ONECUT3: variants seen among roughly 807,000 people sequenced by gnomAD.
The protein encoded by ONECUT3 is one cut domain family member 3.
ONECUT3 carries 11 observed loss-of-function variants against 16.8 expected under a neutral mutation model. The ratio of observed to expected loss-of-function variants is 0.66; its 90% CI spans 0.41 to 1.09. ONECUT3 has a LOEUF of 1.09. Ranked by LOEUF, ONECUT3 falls within the 50% of genes least tolerant of loss-of-function variation. The pLI, the probability that ONECUT3 is intolerant of heterozygous loss-of-function variation, is 0.00. For synonymous variants in ONECUT3, 344 were observed against 310.7 expected, an observed-to-expected ratio of 1.11 and a Z score of -1.13; for missense variants, 637 against 629.9, an observed-to-expected ratio of 1.01 and a Z score of -0.12.
intron 1 of ONECUT3, among the ~76,000 whole-genome samples, chr19:1,772,768 A>G (rs2068067679): frequency 7.7e-6 from 1 of 129,842 alleles, no homozygotes; most frequent in African/African-American, 3.1e-5. Context: ...ATCTTGGCTC[A>G]CCACAACTTC....
chr19:1,753,906 G>A lies in ONECUT3; in HGVS notation c.244G>A (p.Gly82Arg). 2.0e-6 allele frequency: 2 copies of A among 982,902 alleles called. No individual in the cohort carries two copies. The highest frequency in any genetic ancestry group is 2.4e-6 in the Non-Finnish European group (2 of 829,804). The allele number at this position is 982,902 out of a possible 1,614,324, so 60.9% of individuals were successfully genotyped here. Residue 82 changes from glycine to arginine, a missense_variant, in exon 1 of 2, where the codon GGG becomes AGG. Transcript: ENST00000382349. The stretch of plus-strand genomic sequence containing the variant: ...CGCGGGCGGCGGCGCGGACTTCCGC[G>A]GGGAACTGGCGGGCCCGCTGCACCC... Reference protein sequence around the residue: ...GSAGGGADFRGELAGPLHPAM... With the variant: ...GSAGGGADFRRELAGPLHPAM...
At position 1,753,879 on chromosome 19, in the gene ONECUT3, AGCGCGGGCG is replaced by A; in HGVS notation, c.221_229del (p.Ala74_Gly76del). 1 of 975,346 alleles carries A rather than the reference AGCGCGGGCG, an allele frequency of 1.0e-6. No homozygotes were observed. The highest frequency in any genetic ancestry group is 1.2e-6 in the Non-Finnish European group (1 of 825,326). 60.4% of individuals were successfully genotyped at this position (975,346 alleles called of 1,614,324 possible). The stretch of plus-strand genomic sequence containing the variant: ...CGCCGGGGGCGCGGGCGGCGCGGGC[AGCGCGGGCG>A]GCGGCGCGGACTTCCGCGGGGAACT... On this transcript the variant is annotated inframe_deletion, in exon 1 of 2. Coordinates refer to ENST00000382349, the MANE Select transcript of ONECUT3 (RefSeq NM_001080488.2).
rs1215549900 is a variant in ONECUT3, at chr19:1,766,625, T to C, written c.1193-8528T>C. On this transcript the variant is annotated intron_variant, in intron 1 of 1. Transcript: ENST00000382349. This position sits in a 1 kb window ranked among gnomAD's most constrained non-coding sequence, Gnocchi z 4.0. The stretch of plus-strand genomic sequence containing the variant: ...GAGGAGGAGAGGGGATGGTCCCCTC[T>C]TGGAGGGTGATGGGGGTTGACAGGT... 6.6e-6 allele frequency among the ~76,000 whole-genome samples: 1 copy of C among 150,796 alleles called. No homozygotes were observed. The highest frequency in any genetic ancestry group is 2.4e-5 in the African/African-American group (1 of 40,978).
intron 1 of ONECUT3, among the ~76,000 whole-genome samples, chr19:1,768,903 T>A (rs1026177768): frequency 5.3e-5 from 5 of 94,048 alleles, no homozygotes; most frequent in South Asian, 4.1e-4. Context: ...GAGGTGGAGG[T>A]GGTGGAGGTG....
At chr19:1,767,820 C>A (rs1453399665) in intron 1 of ONECUT3, among the ~76,000 whole-genome samples, 1 of 152,088 alleles carries the variant, frequency 6.6e-6, no homozygotes, top group African/African-American at 2.4e-5. Context: ...GCCACCATGA[C>A]TGCGTTTGCC....
At position 1,780,950 on chromosome 19, in the gene ONECUT3, C is replaced by A. The variant is rs1439755536; in HGVS notation, c.*5505C>A. 1 of 144,358 alleles carries A rather than the reference C, an allele frequency of 6.9e-6. No individual in the cohort carries two copies. Among genetic ancestry groups the A allele is most frequent in the Non-Finnish European group, 1.5e-5 (1 of 66,878 alleles). The allele number at this position is 144,358 out of a possible 1,614,324, so 8.9% of individuals were successfully genotyped here. On this transcript the variant is annotated 3_prime_UTR_variant, in exon 2 of 2. Transcript: ENST00000382349. The stretch of plus-strand genomic sequence containing the variant: ...GAGAGAAGCCCTTTTCCACCTTCAC[C>A]CTTGGGCGACAGGCTTAAAAGCTAA...
chr19:1,764,387 A>C lies in ONECUT3; in HGVS notation c.1192+9533A>C, dbSNP rs1392499663. Among the ~76,000 whole-genome samples, 6 of 152,196 alleles carry C rather than the reference A, an allele frequency of 3.9e-5. No homozygotes were observed. The highest frequency in any genetic ancestry group is 1.2e-4 in the African/African-American group (5 of 41,446). ...CTTTGAAGGCTCAGAACTAATTTGA[A>C]AATGCAGTCATTAAAATCCCATCAG... On this transcript the variant is annotated intron_variant, in intron 1 of 1. Coordinates refer to ENST00000382349, the MANE Select transcript of ONECUT3 (RefSeq NM_001080488.2). This position sits in a 1 kb window ranked among gnomAD's most constrained non-coding sequence, Gnocchi z 5.0.
chr19:1,766,140 G>A lies in ONECUT3; in HGVS notation c.1193-9013G>A, dbSNP rs2067986477. The stretch of plus-strand genomic sequence containing the variant: ...ACTTGGGTGGGGTTTGGATGTGCAA[G>A]GCTGCCGACCCCCATCGTGGTTGAG... On this transcript the variant is annotated intron_variant, in intron 1 of 1. Coordinates refer to ENST00000382349, the MANE Select transcript of ONECUT3 (RefSeq NM_001080488.2). This position sits in a 1 kb window ranked among gnomAD's most constrained non-coding sequence, Gnocchi z 4.0. Among the ~76,000 whole-genome samples, 1 of 152,270 alleles carries A rather than the reference G, an allele frequency of 6.6e-6. No homozygotes were observed. The highest frequency in any genetic ancestry group is 1.5e-5 in the Non-Finnish European group (1 of 68,052).
chr19:1,769,149 C>T (rs1256903459), intron 1 of ONECUT3, among the ~76,000 whole-genome samples: 3 of 80,228 alleles, frequency 3.7e-5, no homozygotes, highest in Non-Finnish European at 7.5e-5. Context: ...GAGGTCGTGG[C>T]GGTGGAGGTG....
rs2067953287 is a variant in ONECUT3, at chr19:1,762,773, G to A, written c.1192+7919G>A. The stretch of plus-strand genomic sequence containing the variant: ...ATCCCACCCCAGGGGAAACCGCGCC[G>A]CACCAGGCGCGAGTGTTCTTCTTCC... On this transcript the variant is annotated intron_variant, in intron 1 of 1. Transcript: ENST00000382349. This position sits in a 1 kb window ranked among gnomAD's most constrained non-coding sequence, Gnocchi z 4.4. Among the ~76,000 whole-genome samples, 2 of 132,442 alleles carry A rather than the reference G, an allele frequency of 1.5e-5. No homozygotes were observed. The highest frequency in any genetic ancestry group is 2.7e-4 in the South Asian group (1 of 3,716). 86.9% of individuals were successfully genotyped at this position (132,442 alleles called of 152,430 possible). A position where few individuals can be genotyped will look rare whatever the true frequency, so the allele number is the denominator to read the frequency against.
In ONECUT3 at chr19:1,764,131, G is replaced by A. The variant is rs1051512367; in HGVS notation, c.1192+9277G>A. Among the ~76,000 whole-genome samples, 5 of 152,142 alleles carry A rather than the reference G, an allele frequency of 3.3e-5. No individual in the cohort carries two copies. Among genetic ancestry groups the A allele is most frequent in the South Asian group, 2.1e-4 (1 of 4,828 alleles). ...TTCCCACTGCAGGCGCTGTGTCTCC[G>A]TAACATTTTTTTTAAAAATCAACGC... On this transcript the variant is annotated intron_variant, in intron 1 of 1. Transcript: ENST00000382349. The surrounding 1 kb of genome is among the most constrained non-coding windows in gnomAD (Gnocchi z 5.0).
chr19:1,768,889 G>GGAA (rs796709040), intron 1 of ONECUT3, among the ~76,000 whole-genome samples: 3 of 33,188 alleles, frequency 9.0e-5, no homozygotes, highest in African/African-American at 1.8e-4. Context: ...AGGTGGAGGT[G>GGAA]GTGGAGGTGG....
intron 1 of ONECUT3, among the ~76,000 whole-genome samples, chr19:1,770,058 C>G (rs2068040062): frequency 1.3e-5 from 2 of 152,208 alleles, no homozygotes. Flanking sequence ...CTCACATTCT[C>G]TGAGTAAATA....
chr19:1,771,714 C>T (rs2145966624), intron 1 of ONECUT3, among the ~76,000 whole-genome samples: 1 of 152,326 alleles, frequency 6.6e-6, no homozygotes, highest in South Asian at 2.1e-4. Flanking sequence ...GGGTCTCGCT[C>T]TGTCATCCAG....
At chr19:1,768,918 TGGTG>T in intron 1 of ONECUT3, among the ~76,000 whole-genome samples, 1 of 119,836 alleles carries the variant, frequency 8.3e-6, no homozygotes, top group Admixed American at 8.4e-5. Context: ...GAGGTGGAGG[TGGTG>T]GAGGTGAAGG....
At position 1,775,122 on chromosome 19, in the gene ONECUT3, G is replaced by C; in HGVS notation, c.1193-31G>C. 6.0e-6 allele frequency: 7 copies of C among 1,165,892 alleles called. No individual in the cohort carries two copies. In the South Asian group the frequency reaches 7.8e-5, roughly 13 times the overall value. The allele number at this position is 1,165,892 out of a possible 1,614,324, so 72.2% of individuals were successfully genotyped here. Reference sequence around the variant, plus strand: ...CGGCCACACGGTGGCGCTGTGTCCCGCTCGCCCGCCCGCCCGCCGCTCGCC... The same window carrying C: ...CGGCCACACGGTGGCGCTGTGTCCCCCTCGCCCGCCCGCCCGCCGCTCGCC... On this transcript the variant is annotated intron_variant, in intron 1 of 1. Coordinates refer to ENST00000382349, the MANE Select transcript of ONECUT3 (RefSeq NM_001080488.2).
In ONECUT3 at chr19:1,754,585, G is replaced by T; in HGVS notation, c.923G>T (p.Ser308Ile). 1.6e-6 allele frequency: 2 copies of T among 1,256,006 alleles called. No individual in the cohort carries two copies. Among genetic ancestry groups the T allele is most frequent in the Middle Eastern group, 3.0e-4 (1 of 3,362 alleles). 77.8% of individuals were successfully genotyped at this position (1,256,006 alleles called of 1,614,324 possible). A position where few individuals can be genotyped will look rare whatever the true frequency, so the allele number is the denominator to read the frequency against. Reference protein sequence around the residue: ...PHGGGGGPGGSGGGPSAGAAA... With the variant: ...PHGGGGGPGGIGGGPSAGAAA... ...GGGGGAGGCGGCGGCCCCGGCGGGA[G>T]CGGCGGCGGCCCCAGCGCGGGCGCA... The change falls in exon 1 of 2, where the codon AGC becomes ATC. Residue 308 changes from serine to isoleucine, a missense_variant. This residue lies in a region of ONECUT3 where 419 missense variants were observed against 377.9 expected (regional missense o/e 1.11). Transcript: ENST00000382349. The surrounding 1 kb of genome is among the most constrained non-coding windows in gnomAD (Gnocchi z 7.4).
chr19:1,775,549 C>A lies in ONECUT3; in HGVS notation c.*104C>A. ...CCCGGAGACCCGCCCCCAGGGGGCA[C>A]CTGGAGGGGGTGCTATCCGGGCCCC... On this transcript the variant is annotated 3_prime_UTR_variant, in exon 2 of 2. Transcript: ENST00000382349. 1 of 1,208,346 alleles carries A rather than the reference C, an allele frequency of 8.3e-7. No homozygotes were observed. The highest frequency in any genetic ancestry group is 1.1e-6 in the Non-Finnish European group (1 of 915,654). 74.9% of individuals were successfully genotyped at this position (1,208,346 alleles called of 1,614,324 possible).
In ONECUT3 at chr19:1,753,851, G is replaced by C. The variant is rs2067901458; in HGVS notation, c.189G>C (p.Gly63=). 2.1e-6 allele frequency: 2 copies of C among 970,192 alleles called. No individual in the cohort carries two copies. Among genetic ancestry groups the C allele is most frequent in the South Asian group, 9.2e-5 (2 of 21,790 alleles). 60.1% of individuals were successfully genotyped at this position (970,192 alleles called of 1,614,324 possible). A position where few individuals can be genotyped will look rare whatever the true frequency, so the allele number is the denominator to read the frequency against. The change falls in exon 1 of 2, where the codon GGG becomes GGC. Residue 63 remains glycine, a synonymous_variant. Coordinates refer to ENST00000382349, the MANE Select transcript of ONECUT3 (RefSeq NM_001080488.2). ...ACGGCGGCGGCGGCGGCGGCGGTGG[G>C]GGCGCCGGGGGCGCGGGCGGCGCGG... is the stretch of plus-strand genomic sequence containing the variant. The part of the protein sequence containing the change: ...LLDGGGGGGG[G]GAGGAGGAGS...
Sources: allele counts gnomAD v4.1 joint callset (sites outside exome capture counted in the v4.1 genomes callset), GRCh38; gene constraint gnomAD v4.1.1; regional missense constraint gnomAD v4.1.1; non-coding constraint Gnocchi (gnomAD v3.1); transcripts MANE v1.5; gene names NCBI Gene and HGNC (gene_info 2026-07-23, HGNC 2026-07-21).